Variants in FAM76A observed in about 807,000 individuals in gnomAD.
FAM76A encodes protein FAM76A.
In FAM76A, 32 loss-of-function variants were observed where a neutral mutation model predicts 46.2. That is an observed-to-expected ratio of 0.69 (90% CI 0.52 to 0.93). FAM76A has a LOEUF of 0.93. FAM76A is among the 40% of genes least tolerant of loss of function. The pLI, the probability that FAM76A is intolerant of heterozygous loss-of-function variation, is 0.00. For missense variants in FAM76A, 274 were observed against 361.5 expected (o/e 0.76, Z 1.96); for synonymous variants, 137 against 127.0 (o/e 1.08, Z -0.53).
Position 27,762,581 on chromosome 1 carries a change from C to T in FAM76A, c.*2000C>T, listed in dbSNP as rs2088525727. On this transcript the variant is annotated 3_prime_UTR_variant, in exon 9 of 9. Transcript: ENST00000373954. Reference sequence around the variant, plus strand: ...ATAAGGGATACAGTGGACCATGTCGCTTATATATCACCCTACTAGGGGATA... The same window carrying T: ...ATAAGGGATACAGTGGACCATGTCGTTTATATATCACCCTACTAGGGGATA... 1 of 152,062 alleles carries T rather than the reference C, an allele frequency of 6.6e-6. No individual in the cohort carries two copies. The highest frequency in any genetic ancestry group is 2.4e-5 in the African/African-American group (1 of 41,402). 9.4% of individuals were successfully genotyped at this position (152,062 alleles called of 1,614,324 possible). A position where few individuals can be genotyped will look rare whatever the true frequency, so the allele number is the denominator to read the frequency against.
intron 3 of FAM76A, 150 bp downstream of exon 3, chr1:27,732,807 C>A: frequency 2.0e-6 from 1 of 510,666 alleles, no homozygotes; most frequent in Non-Finnish European, 3.4e-6. Context: ...TCACATTTAG[C>A]TAATGCTTAT....
intron 6 of FAM76A, among the ~76,000 whole-genome samples, chr1:27,754,160 G>C (rs1207432784): frequency 7.1e-6 from 1 of 141,478 alleles, no homozygotes; most frequent in African/African-American, 2.7e-5. Flanking sequence ...AGGCTGGAGT[G>C]CAATGGCGCA....
chr1:27,733,558 G>A (rs936448129), intron 3 of FAM76A, among the ~76,000 whole-genome samples: 1 of 151,880 alleles, frequency 6.6e-6, no homozygotes, highest in Non-Finnish European at 1.5e-5. Flanking sequence ...TTAAGAATTG[G>A]GCTTCATGGC....
chr1:27,731,495 C>T (rs1045126370), intron 2 of FAM76A, among the ~76,000 whole-genome samples: 6 of 152,002 alleles, frequency 3.9e-5, no homozygotes, highest in Non-Finnish European at 7.4e-5. Flanking sequence ...CATGAGCTAC[C>T]GTGCCCGGCC....
At chr1:27,737,868 C>CAAAAAA (rs71571865) in intron 4 of FAM76A, among the ~76,000 whole-genome samples, 64 of 62,276 alleles carry the variant, frequency 1.0e-3, no homozygotes, top group South Asian at 1.5e-3. Context: ...ACAACAACAA[C>CAAAAAA]AAAAAAAAAA....
At chr1:27,726,966 C>T (rs1736540) in intron 1 of FAM76A, among the ~76,000 whole-genome samples, 5,709 of 152,228 alleles carry the variant, frequency 0.038, 358 homozygotes, top group African/African-American at 0.13. Context: ...ATTTGGATAA[C>T]TCATAATTGT....
Position 27,760,505 on chromosome 1 carries a change from G to A in FAM76A, c.848G>A (p.Arg283Gln), listed in dbSNP as rs569684678. 5.6e-6 allele frequency: 9 copies of A among 1,609,204 alleles called. No homozygotes were observed. The highest frequency in any genetic ancestry group is 6.8e-6 in the Non-Finnish European group (8 of 1,177,502). The change falls in exon 9 of 9, where the codon CGA becomes CAA. Residue 283 changes from arginine (R) to glutamine (Q), a missense_variant. Physicochemically the swap from Arg to Gln is conservative, Grantham distance 43. Coordinates refer to ENST00000373954, the MANE Select transcript of FAM76A (RefSeq NM_152660.3). ...EVTEQLQAKNRELLKQAAALS... is the reference protein window; with the variant it reads ...EVTEQLQAKNQELLKQAAALS... ...TTTTTTTTTCTTTAGGCCAAAAACCGAGAGCTCCTGAAGCAGGCAGCTGCT... is the reference window on the plus strand; with the variant it reads ...TTTTTTTTTCTTTAGGCCAAAAACCAAGAGCTCCTGAAGCAGGCAGCTGCT...
At chr1:27,731,327 C>T (rs1022470566) in intron 2 of FAM76A, among the ~76,000 whole-genome samples, 1 of 151,754 alleles carries the variant, frequency 6.6e-6, no homozygotes, top group Admixed American at 6.6e-5. Flanking sequence ...CCTCAGCCCC[C>T]TGAGTAGCTG....
intron 7 of FAM76A, 44 bp from the exon 8 acceptor site, chr1:27,759,482 T>C (rs2088467010): frequency 7.0e-7 from 1 of 1,427,148 alleles, no homozygotes; most frequent in Non-Finnish European, 9.6e-7. Context: ...TTTTTTTTTA[T>C]TGCACAGAAA....
In FAM76A at chr1:27,734,062, C is replaced by T. The variant is rs773214874; in HGVS notation, c.233C>T (p.Ala78Val). 6.2e-7 allele frequency: 1 copy of T among 1,610,362 alleles called. No homozygotes were observed. The change falls in exon 4 of 9, where the codon GCA (alanine) becomes GTA (valine). Residue 78 changes from alanine to valine, a missense_variant. Coordinates refer to ENST00000373954, the MANE Select transcript of FAM76A (RefSeq NM_152660.3). ...CCTTGTCAGTATTGCAACATAATTGCAGCATTTATTGGGAATAAATGCCAG... is the reference window on the plus strand; with the variant it reads ...CCTTGTCAGTATTGCAACATAATTGTAGCATTTATTGGGAATAAATGCCAG... ...PKPCQYCNII[A>V]AFIGNKCQRC...
intron 5 of FAM76A, among the ~76,000 whole-genome samples, chr1:27,748,072 T>C (rs1225267820): frequency 1.3e-5 from 2 of 151,830 alleles, no homozygotes; most frequent in African/African-American, 4.8e-5. Flanking sequence ...AACTTATCTA[T>C]ACCTCACAGA....
intron 4 of FAM76A, among the ~76,000 whole-genome samples, chr1:27,736,226 G>A (rs2088041896): frequency 1.3e-5 from 2 of 152,158 alleles, no homozygotes; most frequent in African/African-American, 4.8e-5. Context: ...GGAGGCTGAA[G>A]CAGGAGAATC....
Position 27,760,403 on chromosome 1 carries a change from T to G in FAM76A, c.838-92T>G, listed in dbSNP as rs1453451315. The G allele has an allele frequency of 4.2e-6, 4 of 957,026 alleles. No individual in the cohort carries two copies. The East Asian group carries it at 1.2e-4, about 28-fold the overall frequency. The allele number at this position is 957,026 out of a possible 1,614,324, so 59.3% of individuals were successfully genotyped here. On this transcript the variant is annotated intron_variant, in intron 8 of 8. Transcript: ENST00000373954. ...TTCATCTCTTTCTGACCCTCCACAT[T>G]GTCTGCCTTAGCATCTGCACTTACT...
At chr1:27,758,071 T>G (rs2088444754) in intron 7 of FAM76A, among the ~76,000 whole-genome samples, 1 of 152,158 alleles carries the variant, frequency 6.6e-6, no homozygotes, top group South Asian at 2.1e-4. Flanking sequence ...GTTTCTGATC[T>G]CCCCTGGCTC....
intron 4 of FAM76A, chr1:27,739,005 GA>G (rs2088104983): frequency 5.8e-6 from 1 of 171,056 alleles, no homozygotes; most frequent in African/African-American, 2.4e-5. Context: ...TGGGGAAAAG[GA>G]AGGAAACAAG....
chr1:27,740,531 G>A lies in FAM76A; in HGVS notation c.355-4123G>A, dbSNP rs932713695. 8 of 1,352,978 alleles carry A rather than the reference G, an allele frequency of 5.9e-6. No homozygotes were observed. The African/African-American group carries it at 1.0e-4, about 17-fold the overall frequency. 83.8% of individuals were successfully genotyped at this position (1,352,978 alleles called of 1,614,324 possible). A position where few individuals can be genotyped will look rare whatever the true frequency, so the allele number is the denominator to read the frequency against. On this transcript the variant is annotated intron_variant, in intron 4 of 8. Coordinates refer to ENST00000373954, the MANE Select transcript of FAM76A (RefSeq NM_152660.3). ...GGCAGGAGCTAACATGATTATGTCT[G>A]GAAGCGTTGTTATGAGGAGTGAGGA...
chr1:27,760,073 T>G lies in FAM76A; in HGVS notation c.838-422T>G, dbSNP rs1332562847. ...CAGGCGTGAGCCACCATGCCCAGCCTGTAGATACTTTGTATTGTTTCACTC... is the reference window on the plus strand; with the variant it reads ...CAGGCGTGAGCCACCATGCCCAGCCGGTAGATACTTTGTATTGTTTCACTC... On this transcript the variant is annotated intron_variant, in intron 8 of 8. Transcript: ENST00000373954. The G allele has an allele frequency of 6.8e-6, 3 of 439,574 alleles. No homozygotes were observed. In the East Asian group the frequency reaches 2.1e-4, roughly 31 times the overall value. The allele number at this position is 439,574 out of a possible 1,614,324, so 27.2% of individuals were successfully genotyped here.
intron 2 of FAM76A, among the ~76,000 whole-genome samples, chr1:27,728,084 G>A (rs11247668): frequency 0.14 from 20,579 of 152,018 alleles, 3,504 homozygotes; most frequent in African/African-American, 0.39. Context: ...GGGATTACAG[G>A]CGTGAGCCAC....
At position 27,761,377 on chromosome 1, in the gene FAM76A, T is replaced by A. The variant is rs1473053935; in HGVS notation, c.*796T>A. 6.6e-6 allele frequency: 1 copy of A among 152,580 alleles called. No individual in the cohort carries two copies. The highest frequency in any genetic ancestry group is 2.4e-5 in the African/African-American group (1 of 41,442). The allele number at this position is 152,580 out of a possible 1,614,324, so 9.5% of individuals were successfully genotyped here. A position where few individuals can be genotyped will look rare whatever the true frequency, so the allele number is the denominator to read the frequency against. ...GGTGAAACAATTCAATGCATAAGTA[T>A]GGAGCTAAGTGCCTTTTGGAGGATT... On this transcript the variant is annotated 3_prime_UTR_variant, in exon 9 of 9. Transcript: ENST00000373954.
Sources: gnomAD v4.1 joint callset for allele counts (sites outside exome capture counted in the v4.1 genomes callset) on GRCh38, gnomAD v4.1.1 for gene constraint, MANE v1.5 for transcripts, NCBI Gene and HGNC (gene_info 2026-07-23, HGNC 2026-07-21) for gene names.